SLC23A1: variants seen among roughly 807,000 people sequenced by gnomAD.
SLC23A1 encodes the protein solute carrier family 23 member 1.
Under a neutral mutation model 62.5 loss-of-function variants are expected in SLC23A1, and 31 were observed. The observed-to-expected ratio is 0.50, with a 90% CI of 0.37 to 0.67. SLC23A1 has a LOEUF of 0.67. Ranked by LOEUF, SLC23A1 falls within the 30% of genes least tolerant of loss-of-function variation. The probability of loss-of-function intolerance (pLI) is 0.00; values close to 1 mark genes in which losing one functional copy is unlikely to be tolerated. For missense variants in SLC23A1, 640 were observed against 782.7 expected (o/e 0.82, Z 2.18); for synonymous variants, 271 against 313.2 (o/e 0.87, Z 1.42).
At chr5:139,383,124 G>T in intron 1 of SLC23A1, 94 bp downstream of exon 1, 1 of 808,704 alleles carries the variant, frequency 1.2e-6, no homozygotes. Context: ...TCATCAGAAC[G>T]TTTATCTCTG....
intron 14 of SLC23A1, chr5:139,369,822 C>G (rs1484462315): frequency 2.0e-5 from 3 of 152,180 alleles, no homozygotes; most frequent in Non-Finnish European, 4.4e-5. Flanking sequence ...ATGTGCTAAG[C>G]TTTCAGGCTT....
At position 139,379,147 on chromosome 5, in the gene SLC23A1, G is replaced by T; in HGVS notation, c.1073+60C>A. 1 of 1,574,992 alleles carries T rather than the reference G, an allele frequency of 6.3e-7. No individual in the cohort carries two copies. Among genetic ancestry groups the T allele is most frequent in the Non-Finnish European group, 8.7e-7 (1 of 1,147,628 alleles). On this transcript the variant is annotated intron_variant, in intron 9 of 14. Coordinates refer to ENST00000348729, the MANE Select transcript of SLC23A1 (RefSeq NM_005847.5). This position sits in a 1 kb window ranked among gnomAD's most constrained non-coding sequence, Gnocchi z 4.7. ...CCCCCTGGGCCTCCACCCCGTTCCT[G>T]TGTGTGCTTCCTGGGTGGCGCCTGA...
Position 139,379,458 on chromosome 5 carries a change from C to A in SLC23A1, c.926-104G>T. 1 of 1,228,168 alleles carries A rather than the reference C, an allele frequency of 8.1e-7. No individual in the cohort carries two copies. Among genetic ancestry groups the A allele is most frequent in the South Asian group, 1.3e-5 (1 of 79,654 alleles). 76.1% of individuals were successfully genotyped at this position (1,228,168 alleles called of 1,614,324 possible). On this transcript the variant is annotated intron_variant, in intron 8 of 14. Coordinates refer to ENST00000348729, the MANE Select transcript of SLC23A1 (RefSeq NM_005847.5). This position sits in a 1 kb window ranked among gnomAD's most constrained non-coding sequence, Gnocchi z 4.7. ...GGAGCAAGAGCAGATCAGGAGACCT[C>A]AGGCTGGGATGGGAGCTATACAGTT...
chr5:139,381,135 G>A (rs1758236659), intron 3 of SLC23A1, among the ~76,000 whole-genome samples: 1 of 152,244 alleles, frequency 6.6e-6, no homozygotes, highest in Admixed American at 6.5e-5. Context: ...GCACTGTGAG[G>A]AGGGGGCACC....
chr5:139,384,638 C>T, upstream of SLC23A1: 1 of 1,229,048 alleles, frequency 8.1e-7, no homozygotes, highest in Non-Finnish European at 1.0e-6. Flanking sequence ...AAGCCCGACC[C>T]CCTGCAGATA....
In SLC23A1 at chr5:139,379,130, G is replaced by C; in HGVS notation, c.1073+77C>G. 6.7e-7 allele frequency: 1 copy of C among 1,490,252 alleles called. No individual in the cohort carries two copies. The highest frequency in any genetic ancestry group is 9.3e-7 in the Non-Finnish European group (1 of 1,076,278). 92.3% of individuals were successfully genotyped at this position (1,490,252 alleles called of 1,614,324 possible). A position where few individuals can be genotyped will look rare whatever the true frequency, so the allele number is the denominator to read the frequency against. On this transcript the variant is annotated intron_variant, in intron 9 of 14. Transcript: ENST00000348729. This position sits in a 1 kb window ranked among gnomAD's most constrained non-coding sequence, Gnocchi z 4.7. ...CGACTTGCCTAAGCCTACCCCCTGG[G>C]CCTCCACCCCGTTCCTGTGTGTGCT...
Position 139,367,541 on chromosome 5 carries a change from A to G in SLC23A1, c.*110T>C, listed in dbSNP as rs1757334825. ...AGAAAGGTGACTTATCTGAGTTTAC[A>G]CAGAAGTTAGTTAGGGGCAGGGCTG... On this transcript the variant is annotated 3_prime_UTR_variant, in exon 15 of 15. Transcript: ENST00000348729. 6.6e-5 allele frequency: 10 copies of G among 151,810 alleles called. No individual in the cohort carries two copies. The highest frequency in any genetic ancestry group is 5.9e-4 in the Admixed American group (9 of 15,214). The allele number at this position is 151,810 out of a possible 1,614,324, so 9.4% of individuals were successfully genotyped here. A position where few individuals can be genotyped will look rare whatever the true frequency, so the allele number is the denominator to read the frequency against.
At chr5:139,369,695 A>C (rs1757534691) in intron 14 of SLC23A1, 3 of 152,654 alleles carry the variant, frequency 2.0e-5, no homozygotes, top group African/African-American at 7.2e-5. Flanking sequence ...AATATTTAAA[A>C]AAATAAATAA....
intron 14 of SLC23A1, among the ~76,000 whole-genome samples, chr5:139,368,167 T>C (rs865968198): frequency 2.7e-4 from 41 of 152,076 alleles, no homozygotes; most frequent in African/African-American, 8.0e-4. Context: ...AACCCCGTCT[T>C]TACTAAAAAT....
intron 4 of SLC23A1, 26 bp from the exon 5 acceptor site, chr5:139,380,658 C>T (rs1426434420): frequency 1.3e-6 from 2 of 1,577,002 alleles, no homozygotes; most frequent in Admixed American, 1.7e-5. Context: ...GGGATACACA[C>T]ACGGACCAGG....
chr5:139,376,920 A>C (rs1351561342), intron 13 of SLC23A1, among the ~76,000 whole-genome samples: 3 of 152,110 alleles, frequency 2.0e-5, no homozygotes, highest in African/African-American at 7.2e-5. Flanking sequence ...TCAGGAGTTC[A>C]AGACCAGCCT....
In SLC23A1 at chr5:139,379,926, C is replaced by T; in HGVS notation, c.768+30G>A. ...CCTCAGCCCAAGCCCTGGCCATAGT[C>T]CCAGCCCCAGCCGCCTGCCAGGTCC... is the stretch of plus-strand genomic sequence containing the variant. On this transcript the variant is annotated intron_variant, in intron 7 of 14. Transcript: ENST00000348729. This position sits in a 1 kb window ranked among gnomAD's most constrained non-coding sequence, Gnocchi z 4.7. The T allele has an allele frequency of 6.2e-7, 1 of 1,614,116 alleles. No individual in the cohort carries two copies. The highest frequency in any genetic ancestry group is 8.5e-7 in the Non-Finnish European group (1 of 1,180,004).
upstream of SLC23A1, chr5:139,384,647 T>C (rs6596476): frequency 1 from 1,216,136 of 1,218,526 alleles, 606,905 homozygotes; most frequent in Non-Finnish European, 1. Context: ...CCCCTGCAGA[T>C]ACGGCTCCAT....
At chr5:139,385,608 C>T (rs1758485856), upstream of SLC23A1, among the ~76,000 whole-genome samples, 1 of 152,140 alleles carries the variant, frequency 6.6e-6, no homozygotes, top group African/African-American at 2.4e-5. Context: ...CCTGGGATGT[C>T]ACTGAAACCA....
intron 12 of SLC23A1, 89 bp from the exon 13 acceptor site, chr5:139,377,586 G>A (rs34302647): frequency 1.3e-6 from 1 of 766,260 alleles, no homozygotes; most frequent in East Asian, 2.5e-5. Flanking sequence ...TATGGCAAAG[G>A]AACAGTACAA....
rs1432575296 is a variant in SLC23A1 at position 139,382,552 on chromosome 5, G to T, written c.90C>A (p.Asp30Glu). 1 of 1,613,574 alleles carries T rather than the reference G, an allele frequency of 6.2e-7. No individual in the cohort carries two copies. The highest frequency in any genetic ancestry group is 8.5e-7 in the Non-Finnish European group (1 of 1,179,742). The change falls in exon 2 of 15, where the codon GAC (aspartate) becomes GAA (glutamate). Residue 30 changes from aspartate (D) to glutamate (E), a missense_variant. Transcript: ENST00000348729. ...STPLPTEPKF[D>E]MLYKIEDVPP... is the part of the protein sequence containing the mutation. Reference sequence around the variant, plus strand: ...GCACGTCCTCGATCTTGTACAACATGTCAAACTTAGGCTCTGTGGGTAGCG... The same window carrying T: ...GCACGTCCTCGATCTTGTACAACATTTCAAACTTAGGCTCTGTGGGTAGCG...
chr5:139,384,659 G>A, upstream of SLC23A1: 1 of 1,213,524 alleles, frequency 8.2e-7, no homozygotes, highest in Non-Finnish European at 1.1e-6. Flanking sequence ...CGGCTCCATG[G>A]ACACTCAATT....
At position 139,380,668 on chromosome 5, in the gene SLC23A1, G is replaced by T. The variant is rs1758208583; in HGVS notation, c.398-36C>A. 3 of 1,555,694 alleles carry T rather than the reference G, an allele frequency of 1.9e-6. No homozygotes were observed. In the South Asian group the frequency reaches 3.3e-5, roughly 17 times the overall value. On this transcript the variant is annotated intron_variant, in intron 4 of 14. Transcript: ENST00000348729. ...AGTCAGGGATACACACACGGACCAG[G>T]TACAGAGACAGAGAGGGAGAGAAGA... is the stretch of plus-strand genomic sequence containing the variant.
chr5:139,379,170 T>C lies in SLC23A1; in HGVS notation c.1073+37A>G. On this transcript the variant is annotated intron_variant, in intron 9 of 14. Transcript: ENST00000348729. This position sits in a 1 kb window ranked among gnomAD's most constrained non-coding sequence, Gnocchi z 4.7. Reference sequence around the variant, plus strand: ...CTGTGTGTGCTTCCTGGGTGGCGCCTGAGGAGATCAGATACTGAGGAGGGC... The same window carrying C: ...CTGTGTGTGCTTCCTGGGTGGCGCCCGAGGAGATCAGATACTGAGGAGGGC... The C allele has an allele frequency of 6.2e-7, 1 of 1,609,632 alleles. No homozygotes were observed. Among genetic ancestry groups the C allele is most frequent in the South Asian group, 1.1e-5 (1 of 90,880 alleles).
Sources: gnomAD v4.1 joint callset for allele counts (sites outside exome capture counted in the v4.1 genomes callset) on GRCh38, gnomAD v4.1.1 for gene constraint, Gnocchi (gnomAD v3.1) non-coding constraint, MANE v1.5 for transcripts, NCBI Gene and HGNC (gene_info 2026-07-23, HGNC 2026-07-21) for gene names.